Variants in PIK3C2G observed in about 807,000 individuals in gnomAD.
PIK3C2G encodes the protein phosphatidylinositol 3-kinase C2 domain-containing subunit gamma.
PIK3C2G carries 168 observed loss-of-function variants against 181.1 expected under a neutral mutation model. That is an observed-to-expected ratio of 0.93 (90% CI 0.82 to 1.05). The LOEUF is 1.05. Among genes scored for constraint, PIK3C2G ranks in the 50% least tolerant of loss-of-function variants. The probability of loss-of-function intolerance (pLI) is 0.00; values close to 1 mark genes in which losing one functional copy is unlikely to be tolerated. For missense variants in PIK3C2G, 1,869 were observed against 1,732.8 expected, an observed-to-expected ratio of 1.08 and a Z score of -1.40; for synonymous variants, 573 against 592.2, an observed-to-expected ratio of 0.97 and a Z score of 0.47.
At chr12:18,306,825 C>CTTCTG (rs1046801388) in intron 5 of PIK3C2G, among the ~76,000 whole-genome samples, 1 of 151,892 alleles carries the variant, frequency 6.6e-6, no homozygotes, top group Non-Finnish European at 1.5e-5. Flanking sequence ...AAGCTGTCAG[C>CTTCTG]AATCCTGGTT....
intron 30 of PIK3C2G, among the ~76,000 whole-genome samples, chr12:18,602,738 T>C (rs958609308): frequency 3.3e-5 from 5 of 152,062 alleles, no homozygotes; most frequent in African/African-American, 9.7e-5. Flanking sequence ...CAAAGCCAGG[T>C]AGGCTCACTG....
At chr12:18,270,171 A>G (rs1465577829) in intron 1 of PIK3C2G, among the ~76,000 whole-genome samples, 1 of 151,680 alleles carries the variant, frequency 6.6e-6, no homozygotes, top group Non-Finnish European at 1.5e-5. Flanking sequence ...CAGCCTCCCA[A>G]AGTGCTGGGA....
intron 18 of PIK3C2G, among the ~76,000 whole-genome samples, chr12:18,470,999 A>G (rs955867493): frequency 2.0e-5 from 3 of 152,192 alleles, no homozygotes; most frequent in Non-Finnish European, 2.9e-5. Context: ...TTCAATTTTA[A>G]AAAGTTAAGA....
intron 18 of PIK3C2G, among the ~76,000 whole-genome samples, chr12:18,452,003 G>A (rs555773730): frequency 6.6e-6 from 1 of 152,300 alleles, no homozygotes; most frequent in African/African-American, 2.4e-5. Flanking sequence ...TCACATTGAC[G>A]TTCATCAGGG....
the PIK3C2G span, chr12:18,693,258 G>A: frequency 1.3e-6 from 2 of 1,539,980 alleles, no homozygotes; most frequent in East Asian, 4.5e-5. Flanking sequence ...TACCATGATA[G>A]GGGTGCTGAT....
intron 11 of PIK3C2G, among the ~76,000 whole-genome samples, chr12:18,359,724 T>C (rs1302067361): frequency 6.6e-6 from 1 of 152,192 alleles, no homozygotes; most frequent in African/African-American, 2.4e-5. Context: ...TTTCTTGTTA[T>C]AGTTTTTTAC....
chr12:18,392,879 G>C (rs1943624192), intron 15 of PIK3C2G, among the ~76,000 whole-genome samples: 1 of 152,024 alleles, frequency 6.6e-6, no homozygotes, highest in African/African-American at 2.4e-5. Context: ...GTTGCCTTAA[G>C]AACTGAAGAT....
chr12:18,617,643 A>G (rs12816270), intron 31 of PIK3C2G, among the ~76,000 whole-genome samples: 18,231 of 152,120 alleles, frequency 0.12, 1,270 homozygotes, highest in East Asian at 0.15. Context: ...CCTCTAGGCT[A>G]TACCTGTTCT....
chr12:18,332,421 C>T (rs2137547613), intron 8 of PIK3C2G, among the ~76,000 whole-genome samples: 1 of 152,250 alleles, frequency 6.6e-6, no homozygotes, highest in South Asian at 2.1e-4. Context: ...ACTCTGTGTA[C>T]TTGAGTCTCA....
At chr12:18,516,897 T>G (rs560600073) in intron 24 of PIK3C2G, among the ~76,000 whole-genome samples, 7 of 152,044 alleles carry the variant, frequency 4.6e-5, no homozygotes, top group Non-Finnish European at 1.0e-4. Flanking sequence ...AACATTTTCT[T>G]TGTTATTCAC....
chr12:18,356,299 G>A (rs554675325), intron 11 of PIK3C2G, among the ~76,000 whole-genome samples: 1 of 152,264 alleles, frequency 6.6e-6, no homozygotes, highest in East Asian at 1.9e-4. Flanking sequence ...CCCTTCACAG[G>A]ATTCATGAAG....
At chr12:18,491,921 G>A (rs1940608966) in intron 20 of PIK3C2G, among the ~76,000 whole-genome samples, 2 of 152,136 alleles carry the variant, frequency 1.3e-5, no homozygotes, top group African/African-American at 4.8e-5. Context: ...TTTAGACTAT[G>A]TGCATAACCA....
chr12:18,480,750 G>A (rs571424324), intron 18 of PIK3C2G, among the ~76,000 whole-genome samples: 40 of 152,096 alleles, frequency 2.6e-4, no homozygotes, highest in Admixed American at 3.3e-4. Context: ...CTGAATTTGC[G>A]TATAATTAAA....
chr12:18,407,612 G>A (rs1474595382), intron 16 of PIK3C2G, among the ~76,000 whole-genome samples: 1 of 152,108 alleles, frequency 6.6e-6, no homozygotes, highest in African/African-American at 2.4e-5. Flanking sequence ...AATTATGAGT[G>A]TAAAACAACA....
chr12:18,428,885 T>C (rs1945991525), intron 18 of PIK3C2G, among the ~76,000 whole-genome samples: 1 of 152,158 alleles, frequency 6.6e-6, no homozygotes, highest in Admixed American at 6.5e-5. Flanking sequence ...CCCTCCCCCA[T>C]TATGTAACAA....
At chr12:18,249,688 ATAT>A (rs1451513882) in intron 1 of PIK3C2G, among the ~76,000 whole-genome samples, 1 of 152,124 alleles carries the variant, frequency 6.6e-6, no homozygotes, top group Admixed American at 6.5e-5. Flanking sequence ...GATACCATTA[ATAT>A]TATTTGAACA....
intron 1 of PIK3C2G, among the ~76,000 whole-genome samples, chr12:18,249,914 C>G (rs1317314690): frequency 7.8e-6 from 1 of 128,822 alleles, no homozygotes; most frequent in Admixed American, 8.3e-5. Flanking sequence ...CTAATAAATA[C>G]TAATAGTTCC....
intron 11 of PIK3C2G, among the ~76,000 whole-genome samples, chr12:18,356,305 T>C (rs574419158): frequency 9.1e-4 from 138 of 152,230 alleles, no homozygotes; most frequent in African/African-American, 3.2e-3. Flanking sequence ...ACAGGATTCA[T>C]GAAGGGGTTG....
In PIK3C2G at chr12:18,423,957, G is replaced by A. The variant is rs1264693702; in HGVS notation, c.2422G>A (p.Glu808Lys). The change falls in exon 18 of 33, where the codon GAA (glutamate) becomes AAA (lysine). Residue 808 changes from glutamate to lysine, a missense_variant. Coordinates refer to ENST00000538779, the MANE Select transcript of PIK3C2G (RefSeq NM_001288772.2). ...LPQLVQAVKF[E>K]WNLESPLVQL... is the part of the protein sequence containing the mutation. Reference sequence around the variant, plus strand: ...TCTCTTACTTCAGGCTGTCAAGTTTGAATGGAACCTTGAGAGTCCTTTAGT... The same window carrying A: ...TCTCTTACTTCAGGCTGTCAAGTTTAAATGGAACCTTGAGAGTCCTTTAGT... 1 of 1,607,430 alleles carries A rather than the reference G, an allele frequency of 6.2e-7. No individual in the cohort carries two copies. Among genetic ancestry groups the A allele is most frequent in the East Asian group, 2.2e-5 (1 of 44,786 alleles).
Sources: gnomAD v4.1 joint callset for allele counts (sites outside exome capture counted in the v4.1 genomes callset) on GRCh38, gnomAD v4.1.1 for gene constraint, MANE v1.5 for transcripts, NCBI Gene and HGNC (gene_info 2026-07-23, HGNC 2026-07-21) for gene names.